The following CALN1 variants were observed in gnomAD, a reference collection of about 807,000 sequenced individuals.
CALN1 encodes the protein calcium-binding protein 8.
A neutral mutation model predicts 30.6 loss-of-function variants in CALN1; 17 were observed. That is an observed-to-expected ratio of 0.56 (90% CI 0.38 to 0.83). The LOEUF (loss-of-function observed/expected upper bound fraction) is 0.83. Ranked by LOEUF, CALN1 falls within the 40% of genes least tolerant of loss-of-function variation. The pLI is 0.00. For missense variants in CALN1, 291 were observed against 354.9 expected, an observed-to-expected ratio of 0.82 and a Z score of 1.45; for synonymous variants, 156 against 131.4, an observed-to-expected ratio of 1.19 and a Z score of -1.28.
chr7:72,411,136 CAT>C (rs146273822), intron 1 of CALN1, among the ~76,000 whole-genome samples: 1,823 of 151,976 alleles, frequency 0.012, 35 homozygotes, highest in African/African-American at 0.04. Context: ...TAAGAGCAAA[CAT>C]AAAGGTTTTA....
chr7:72,360,846 A>AG (rs1427866192), intron 2 of CALN1, among the ~76,000 whole-genome samples: 1 of 151,700 alleles, frequency 6.6e-6, no homozygotes, highest in Non-Finnish European at 1.5e-5. Flanking sequence ...CTCATGCCTC[A>AG]GCTTCCTACA....
intron 4 of CALN1, among the ~76,000 whole-genome samples, chr7:72,082,461 T>G (rs989349881): frequency 2.0e-5 from 3 of 152,214 alleles, no homozygotes; most frequent in African/African-American, 7.2e-5. Context: ...AGACCCTCCC[T>G]CCATGGCTGA....
At chr7:72,324,005 G>A (rs951918585) in intron 2 of CALN1, among the ~76,000 whole-genome samples, 4 of 152,162 alleles carry the variant, frequency 2.6e-5, no homozygotes, top group Admixed American at 6.5e-5. Flanking sequence ...TCCAGCCTGG[G>A]TGACAGAGTG....
the CALN1 span, among the ~76,000 whole-genome samples, chr7:72,486,711 G>A: frequency 6.6e-6 from 1 of 151,836 alleles, no homozygotes; most frequent in Non-Finnish European, 1.5e-5. Context: ...CTCTTCACTT[G>A]TATGTAGGTC....
intron 4 of CALN1, among the ~76,000 whole-genome samples, chr7:72,072,800 A>T (rs1480330774): frequency 6.6e-6 from 1 of 152,224 alleles, no homozygotes; most frequent in Non-Finnish European, 1.5e-5. Flanking sequence ...CATTTTTTAT[A>T]TGCTATTGGA....
intron 1 of CALN1, among the ~76,000 whole-genome samples, chr7:72,420,918 T>C (rs1197770310): frequency 6.6e-6 from 1 of 152,124 alleles, no homozygotes; most frequent in East Asian, 1.9e-4. Flanking sequence ...CTGGCCGGGA[T>C]GCATCTTAAA....
At chr7:72,127,062 G>T (rs1156927861) in intron 3 of CALN1, among the ~76,000 whole-genome samples, 1 of 151,942 alleles carries the variant, frequency 6.6e-6, no homozygotes, top group South Asian at 2.1e-4. Context: ...AGGAAGTAGT[G>T]TATTTAAGTG....
chr7:72,328,893 C>T (rs566101097), intron 2 of CALN1, among the ~76,000 whole-genome samples: 6 of 152,322 alleles, frequency 3.9e-5, no homozygotes, highest in Non-Finnish European at 5.9e-5. Flanking sequence ...GACGGGGTTT[C>T]GCCAGGTTGG....
At chr7:72,172,942 C>T (rs1789071785) in intron 3 of CALN1, among the ~76,000 whole-genome samples, 1 of 151,824 alleles carries the variant, frequency 6.6e-6, no homozygotes, top group Admixed American at 6.6e-5. Context: ...GTATTGTATC[C>T]TAGGTCTTAG....
At chr7:71,952,374 G>A (rs762923993) in intron 5 of CALN1, among the ~76,000 whole-genome samples, 1 of 152,120 alleles carries the variant, frequency 6.6e-6, no homozygotes, top group African/African-American at 2.4e-5. Flanking sequence ...GAAGATGTTG[G>A]TATTAATATG....
At chr7:72,246,792 T>C (rs1430395869) in intron 3 of CALN1, among the ~76,000 whole-genome samples, 2 of 141,082 alleles carry the variant, frequency 1.4e-5, no homozygotes, top group African/African-American at 2.6e-5. Context: ...TTCACTCTTC[T>C]TGCCCAGACT....
At chr7:72,206,440 A>T (rs1294948058) in intron 3 of CALN1, among the ~76,000 whole-genome samples, 1 of 152,130 alleles carries the variant, frequency 6.6e-6, no homozygotes, top group African/African-American at 2.4e-5. Context: ...TCTGCCTCTT[A>T]CTGCTTCTAA....
At chr7:72,398,973 C>A (rs1162763206) in intron 2 of CALN1, among the ~76,000 whole-genome samples, 1 of 152,204 alleles carries the variant, frequency 6.6e-6, no homozygotes, top group African/African-American at 2.4e-5. Flanking sequence ...GACCTCCATG[C>A]CAAGGAGTCA....
intron 2 of CALN1, among the ~76,000 whole-genome samples, chr7:72,383,205 A>C (rs1805015159): frequency 6.6e-6 from 1 of 152,178 alleles, no homozygotes; most frequent in Non-Finnish European, 1.5e-5. Context: ...GCTATTGTGA[A>C]TAATGCTGCA....
intron 5 of CALN1, among the ~76,000 whole-genome samples, chr7:71,970,522 G>A (rs942150190): frequency 5.9e-5 from 9 of 151,560 alleles, no homozygotes; most frequent in East Asian, 1.9e-4. Flanking sequence ...GGCTTTGGCC[G>A]TTAAGAAATC....
At chr7:72,411,830 CCTG>C (rs745971533) in intron 1 of CALN1, among the ~76,000 whole-genome samples, 16 of 152,292 alleles carry the variant, frequency 1.1e-4, no homozygotes, top group Middle Eastern at 3.4e-3. Context: ...AAACAATTGT[CCTG>C]CTTTTTCCAT....
At chr7:72,453,194 C>T in the CALN1 span, among the ~76,000 whole-genome samples, 125 of 152,330 alleles carry the variant, frequency 8.2e-4, no homozygotes, top group African/African-American at 3.0e-3. Flanking sequence ...CTTGGCTTCA[C>T]TCAGGAAAGA....
chr7:71,800,297 G>A (rs1454644971), intron 6 of CALN1, among the ~76,000 whole-genome samples: 2 of 152,134 alleles, frequency 1.3e-5, no homozygotes. Context: ...CATTCCCAGG[G>A]TCACACAGCT....
chr7:72,091,132 C>T (rs1805830965), intron 4 of CALN1, among the ~76,000 whole-genome samples: 1 of 152,112 alleles, frequency 6.6e-6, no homozygotes, highest in Admixed American at 6.5e-5. Context: ...AATTTGAGGC[C>T]AGACTGGCCA....
Sources: allele counts gnomAD v4.1 joint callset (sites outside exome capture counted in the v4.1 genomes callset), GRCh38; gene constraint gnomAD v4.1.1; transcripts MANE v1.5; gene names NCBI Gene and HGNC (gene_info 2026-07-23, HGNC 2026-07-21).